Variants in DGKI observed in about 807,000 individuals in gnomAD.
DGKI encodes diacylglycerol kinase iota.
Under a neutral mutation model 147.5 loss-of-function variants are expected in DGKI, and 55 were observed. The observed-to-expected ratio is 0.37, with a 90% CI of 0.30 to 0.47. The LOEUF (loss-of-function observed/expected upper bound fraction) is 0.47. Ranked by LOEUF, DGKI falls within the 20% of genes least tolerant of loss-of-function variation. The pLI is 1.00. For synonymous variants in DGKI, 469 were observed against 477.1 expected (o/e 0.98, Z 0.22); for missense variants, 1,007 against 1,323.8 (o/e 0.76, Z 3.71).
At chr7:137,509,165 C>A (rs1816489494) in intron 21 of DGKI, among the ~76,000 whole-genome samples, 1 of 152,138 alleles carries the variant, frequency 6.6e-6, no homozygotes, top group South Asian at 2.1e-4. Flanking sequence ...GGCAATTGAC[C>A]AACCTCCCCA....
chr7:137,784,661 A>G (rs1441307038), intron 1 of DGKI, among the ~76,000 whole-genome samples: 1 of 152,044 alleles, frequency 6.6e-6, no homozygotes, highest in East Asian at 1.9e-4. Flanking sequence ...CCCAACAACT[A>G]TAGACTTTAC....
Position 137,501,117 on chromosome 7 carries a change from C to T in DGKI, c.2249-13428G>A, listed in dbSNP as rs576574180. On this transcript the variant is annotated intron_variant, in intron 21 of 32. Coordinates refer to ENST00000614521, the MANE Select transcript of DGKI (RefSeq NM_001321708.2). Reference sequence around the variant, plus strand: ...CCCTAGATATGAGACAGAATATGCCCTATTTGTCTTTCTGTGTCTGGATTA... The same window carrying T: ...CCCTAGATATGAGACAGAATATGCCTTATTTGTCTTTCTGTGTCTGGATTA... Among the ~76,000 whole-genome samples the T allele has an allele frequency of 4.3e-4, 66 of 152,218 alleles. 1 individual carries two copies. The highest frequency in any genetic ancestry group is 4.1e-4 in the African/African-American group (17 of 41,554).
At chr7:137,410,533 A>T (rs977109027) in intron 29 of DGKI, among the ~76,000 whole-genome samples, 19 of 152,254 alleles carry the variant, frequency 1.2e-4, no homozygotes, top group African/African-American at 4.6e-4. Flanking sequence ...ACAAAAACCA[A>T]ATTACTTTTG....
chr7:137,431,633 A>G (rs1813075256), intron 28 of DGKI, among the ~76,000 whole-genome samples: 1 of 152,210 alleles, frequency 6.6e-6, no homozygotes, highest in Admixed American at 6.5e-5. Context: ...GGGCACAGGT[A>G]TCTCCAAAAT....
chr7:137,787,671 C>T (rs958549), intron 1 of DGKI, among the ~76,000 whole-genome samples: 81,654 of 151,944 alleles, frequency 0.54, 23,987 homozygotes, highest in African/African-American at 0.79. Context: ...CATGTTTAAG[C>T]GGCACAACTT....
chr7:137,421,477 T>G (rs1026253141), intron 28 of DGKI, among the ~76,000 whole-genome samples: 3 of 152,244 alleles, frequency 2.0e-5, no homozygotes, highest in Non-Finnish European at 4.4e-5. Flanking sequence ...GATTTCTGTT[T>G]GGAGAAAAAA....
At chr7:137,636,337 G>C (rs568521265) in intron 6 of DGKI, among the ~76,000 whole-genome samples, 45 of 152,238 alleles carry the variant, frequency 3.0e-4, no homozygotes, top group East Asian at 1.7e-3. Flanking sequence ...GCAGATGTAA[G>C]ACCAGCTGCA....
chr7:137,630,993 T>C (rs1050735705), intron 6 of DGKI, among the ~76,000 whole-genome samples: 1 of 152,166 alleles, frequency 6.6e-6, no homozygotes, highest in East Asian at 1.9e-4. Context: ...GGGTTTTTTT[T>C]GAAAAAAAGA....
intron 4 of DGKI, among the ~76,000 whole-genome samples, chr7:137,655,346 G>A (rs545477141): frequency 4.6e-5 from 7 of 152,062 alleles, no homozygotes; most frequent in East Asian, 3.9e-4. Context: ...CTACAGGTGC[G>A]TGCCACCACA....
intron 1 of DGKI, among the ~76,000 whole-genome samples, chr7:137,819,936 G>C (rs535849600): frequency 6.6e-6 from 1 of 152,278 alleles, no homozygotes; most frequent in South Asian, 2.1e-4. Context: ...TACCGCTGTA[G>C]GGCATTCTCT....
intron 1 of DGKI, among the ~76,000 whole-genome samples, chr7:137,822,230 A>C: frequency 6.6e-6 from 1 of 152,170 alleles, no homozygotes; most frequent in East Asian, 1.9e-4. Flanking sequence ...AACATGGCGA[A>C]ACCCTGTCTC....
At chr7:137,614,112 T>G (rs1269485893) in intron 8 of DGKI, among the ~76,000 whole-genome samples, 3 of 152,160 alleles carry the variant, frequency 2.0e-5, no homozygotes, top group Non-Finnish European at 2.9e-5. Flanking sequence ...ACTATCATTC[T>G]TTCAAAGAAA....
chr7:137,391,121 A>G lies in DGKI; in HGVS notation c.*99T>C. 1 of 910,076 alleles carries G rather than the reference A, an allele frequency of 1.1e-6. No homozygotes were observed. Among genetic ancestry groups the G allele is most frequent in the Non-Finnish European group, 1.8e-6 (1 of 543,668 alleles). 56.4% of individuals were successfully genotyped at this position (910,076 alleles called of 1,614,324 possible). On this transcript the variant is annotated 3_prime_UTR_variant, in exon 33 of 33. Transcript: ENST00000614521. ...GTAGATTCTTGCAGGAGAGAGACAG[A>G]TATATGAATTCCATCAGCTTCTTCC...
intron 1 of DGKI, among the ~76,000 whole-genome samples, chr7:137,841,587 T>C (rs940679048): frequency 6.6e-6 from 1 of 152,226 alleles, no homozygotes; most frequent in African/African-American, 2.4e-5. Context: ...CACATACCCA[T>C]GGAAGAAAGC....
chr7:137,402,704 C>T (rs948084508), intron 30 of DGKI, among the ~76,000 whole-genome samples: 3 of 152,252 alleles, frequency 2.0e-5, no homozygotes, highest in African/African-American at 7.2e-5. Flanking sequence ...GTCTCCCTGA[C>T]GCTGCCAGCA....
intron 28 of DGKI, among the ~76,000 whole-genome samples, chr7:137,434,646 T>A (rs553749020): frequency 6.6e-6 from 1 of 152,054 alleles, no homozygotes; most frequent in African/African-American, 2.4e-5. Context: ...ACAATCAACC[T>A]TCAAAAGACA....
At chr7:137,547,539 T>A (rs1817906096) in intron 20 of DGKI, among the ~76,000 whole-genome samples, 1 of 152,218 alleles carries the variant, frequency 6.6e-6, no homozygotes, top group African/African-American at 2.4e-5. Flanking sequence ...ATATTAGTTT[T>A]ATATTCACAA....
chr7:137,429,715 CA>C (rs1383359757), intron 28 of DGKI, among the ~76,000 whole-genome samples: 2 of 147,122 alleles, frequency 1.4e-5, no homozygotes, highest in Admixed American at 1.4e-4. Context: ...AAGAAAATAA[CA>C]AACAACCCCA....
intron 20 of DGKI, among the ~76,000 whole-genome samples, chr7:137,546,676 A>G (rs1043428201): frequency 6.6e-6 from 1 of 152,234 alleles, no homozygotes; most frequent in African/African-American, 2.4e-5. Flanking sequence ...AAAATGTAGA[A>G]TTTAAGAAAC....
Sources: gnomAD v4.1 joint callset for allele counts (sites outside exome capture counted in the v4.1 genomes callset) on GRCh38, gnomAD v4.1.1 for gene constraint, MANE v1.5 for transcripts, NCBI Gene and HGNC (gene_info 2026-07-23, HGNC 2026-07-21) for gene names.